DIP2C: variants seen among roughly 807,000 people sequenced by gnomAD.
DIP2C encodes disco-interacting protein 2 homolog C.
DIP2C carries 33 observed loss-of-function variants against 192.4 expected under a neutral mutation model. That is an observed-to-expected ratio of 0.17 (90% CI 0.13 to 0.23). The LOEUF (loss-of-function observed/expected upper bound fraction) is 0.23, where lower values mean the gene tolerates loss of function less well. Ranked by LOEUF, DIP2C falls within the 10% of genes least tolerant of loss-of-function variation. The pLI is 1.00. For synonymous variants in DIP2C, 979 were observed against 864.1 expected (o/e 1.13, Z -2.33); for missense variants, 1,537 against 2,110.1 (o/e 0.73, Z 5.32).
At position 382,542 on chromosome 10, in the gene DIP2C, T is replaced by TTCACCC. The variant is rs367916470; in HGVS notation, c.1991+99_1991+104dup. 559 of 854,890 alleles carry TTCACCC rather than the reference T, an allele frequency of 6.5e-4. 2 individuals are homozygous for TTCACCC. In the African/African-American group the frequency reaches 8.3e-3, roughly 13 times the overall value. 53.0% of individuals were successfully genotyped at this position (854,890 alleles called of 1,614,324 possible). Reference sequence around the variant, plus strand: ...TCATCTTGAAAGGTTAGGTCCCGTTTTCACCCTCACCCTCAGCATCAACTG... The same window carrying TTCACCC: ...TCATCTTGAAAGGTTAGGTCCCGTTTTCACCCTCACCCTCACCCTCAGCATCAACTG... On this transcript the variant is annotated intron_variant, in intron 17 of 36. Coordinates refer to ENST00000280886, the MANE Select transcript of DIP2C (RefSeq NM_014974.3).
intron 1 of DIP2C, among the ~76,000 whole-genome samples, chr10:622,381 G>A (rs1588624366): frequency 1.1e-5 from 1 of 94,604 alleles, no homozygotes; most frequent in Non-Finnish European, 2.2e-5. Flanking sequence ...AGAAGAAGGG[G>A]GAGGGAGGGA....
chr10:626,372 G>A (rs533618567), intron 1 of DIP2C, among the ~76,000 whole-genome samples: 9 of 152,136 alleles, frequency 5.9e-5, no homozygotes, highest in East Asian at 1.9e-4. Flanking sequence ...TGGGAGGGGC[G>A]GCAGCATCCC....
chr10:592,581 T>C (rs1851464537), intron 1 of DIP2C, among the ~76,000 whole-genome samples: 1 of 152,172 alleles, frequency 6.6e-6, no homozygotes, highest in Non-Finnish European at 1.5e-5. Flanking sequence ...TACAGGTGTC[T>C]GCTTAGAAAG....
chr10:487,922 C>T (rs188984483), intron 1 of DIP2C, among the ~76,000 whole-genome samples: 2 of 152,288 alleles, frequency 1.3e-5, no homozygotes, highest in East Asian at 3.9e-4. Flanking sequence ...ACAATTTCTG[C>T]AGAAATGTTA....
At chr10:340,180 A>G (rs1958074462) in intron 29 of DIP2C, among the ~76,000 whole-genome samples, 1 of 148,394 alleles carries the variant, frequency 6.7e-6, no homozygotes, top group South Asian at 2.1e-4. Flanking sequence ...GACTGTCTCA[A>G]AAAAAAAAAA....
chr10:567,622 A>G (rs1849529869), intron 1 of DIP2C, among the ~76,000 whole-genome samples: 1 of 152,206 alleles, frequency 6.6e-6, no homozygotes, highest in African/African-American at 2.4e-5. Flanking sequence ...CGTGAGCACC[A>G]GTCAGCATGA....
intron 3 of DIP2C, among the ~76,000 whole-genome samples, chr10:468,858 T>G (rs957304206): frequency 1.3e-5 from 2 of 152,222 alleles, no homozygotes; most frequent in Non-Finnish European, 2.9e-5. Flanking sequence ...CCATTATATC[T>G]CAAATAAATG....
intron 4 of DIP2C, among the ~76,000 whole-genome samples, chr10:427,590 G>GGACA (rs56821901): frequency 0.98 from 148,818 of 152,206 alleles, 72,842 homozygotes; most frequent in Middle Eastern, 1. Flanking sequence ...CAAAAAATCT[G>GGACA]GACATTTTAC....
rs563011237 is a variant in DIP2C at position 369,998 on chromosome 10, G to A, written c.1992-365C>T. 3.1e-5 allele frequency: 31 copies of A among 985,258 alleles called. No individual in the cohort carries two copies. In the Admixed American group the frequency reaches 6.1e-4, roughly 20 times the overall value. 61.0% of individuals were successfully genotyped at this position (985,258 alleles called of 1,614,324 possible). A position where few individuals can be genotyped will look rare whatever the true frequency, so the allele number is the denominator to read the frequency against. On this transcript the variant is annotated intron_variant, in intron 17 of 36. Transcript: ENST00000280886. ...TCCTCCCGGCTCCTGCTCACTCCAC[G>A]GTCTGCTCTTCTAGTTTTGCAAATG...
At chr10:333,802 C>G (rs150574602) in intron 29 of DIP2C, among the ~76,000 whole-genome samples, 1 of 152,192 alleles carries the variant, frequency 6.6e-6, no homozygotes, top group Non-Finnish European at 1.5e-5. Flanking sequence ...TCAGAAAACA[C>G]GAGCTCTCCA....
At chr10:570,500 A>AC (rs1291124976) in intron 1 of DIP2C, among the ~76,000 whole-genome samples, 2 of 151,782 alleles carry the variant, frequency 1.3e-5, no homozygotes, top group Non-Finnish European at 2.9e-5. Flanking sequence ...CTCCTCCTTT[A>AC]CCAGTTTCCC....
chr10:629,979 A>G (rs1298487175), intron 1 of DIP2C: 1 of 152,220 alleles, frequency 6.6e-6, no homozygotes, highest in Non-Finnish European at 1.5e-5. Context: ...AGGGCGGCCT[A>G]TTCCCCACAG....
intron 32 of DIP2C, among the ~76,000 whole-genome samples, chr10:296,971 G>A (rs1382368514): frequency 6.6e-6 from 1 of 151,612 alleles, no homozygotes; most frequent in Non-Finnish European, 1.5e-5. Context: ...ATACCAACGT[G>A]GCACATGTAT....
rs761649026 is a variant in DIP2C, at chr10:616,041, C to T, written c.85+73453G>A. 5.3e-5 allele frequency among the ~76,000 whole-genome samples: 8 copies of T among 152,142 alleles called. No homozygotes were observed. In the South Asian group the frequency reaches 6.2e-4, roughly 12 times the overall value. On this transcript the variant is annotated intron_variant, in intron 1 of 36. Coordinates refer to ENST00000280886, the MANE Select transcript of DIP2C (RefSeq NM_014974.3). ...TCACCCTTTTGTTTTATCCTGAAGACGCTGAGAAAGGCTGGGGCAGATCTC... is the reference window on the plus strand; with the variant it reads ...TCACCCTTTTGTTTTATCCTGAAGATGCTGAGAAAGGCTGGGGCAGATCTC...
In DIP2C at chr10:614,120, G is replaced by A. The variant is rs146689200; in HGVS notation, c.85+75374C>T. Among the ~76,000 whole-genome samples the A allele has an allele frequency of 2.5e-3, 379 of 152,330 alleles. 1 individual carries two copies. Among genetic ancestry groups the A allele is most frequent in the Middle Eastern group, 0.01 (3 of 294 alleles). Reference sequence around the variant, plus strand: ...CATCTGGATTCAAGCTGACAACGCTGCATTCTCTTTGCCATGCACACATGG... The same window carrying A: ...CATCTGGATTCAAGCTGACAACGCTACATTCTCTTTGCCATGCACACATGG... On this transcript the variant is annotated intron_variant, in intron 1 of 36. Transcript: ENST00000280886.
intron 1 of DIP2C, among the ~76,000 whole-genome samples, chr10:558,588 G>A (rs1374623155): frequency 2.0e-5 from 3 of 152,184 alleles, no homozygotes; most frequent in Non-Finnish European, 4.4e-5. Flanking sequence ...CAGTGCGGGG[G>A]CCCACCATCG....
In DIP2C at chr10:380,395, ATG is replaced by A. The variant is rs879480271; in HGVS notation, c.1991+2250_1991+2251del. Among the ~76,000 whole-genome samples the A allele has an allele frequency of 5.0e-3, 756 of 151,112 alleles. 6 individuals carry two copies. Among genetic ancestry groups the A allele is most frequent in the Non-Finnish European group, 6.8e-3 (460 of 67,514 alleles). ...AGAGGCTGTCCCTGGATGATGGTTA[ATG>A]CGCAGAAGAGGCTGTCCCTGGATGA... On this transcript the variant is annotated intron_variant, in intron 17 of 36. Coordinates refer to ENST00000280886, the MANE Select transcript of DIP2C (RefSeq NM_014974.3).
Position 475,756 on chromosome 10 carries a change from T to C in DIP2C, c.158-3207A>G, listed in dbSNP as rs572434507. Among the ~76,000 whole-genome samples, 63 of 152,334 alleles carry C rather than the reference T, an allele frequency of 4.1e-4. No individual in the cohort carries two copies. The South Asian group carries it at 5.6e-3, about 14-fold the overall frequency. ...CTTCATTCATTTTCCTTTGATGTCA[T>C]TCCAAACGAGGCTGCAAGTGGCTTA... is the stretch of plus-strand genomic sequence containing the variant. On this transcript the variant is annotated intron_variant, in intron 2 of 36. Coordinates refer to ENST00000280886, the MANE Select transcript of DIP2C (RefSeq NM_014974.3).
chr10:469,180 G>A (rs930945961), intron 3 of DIP2C, among the ~76,000 whole-genome samples: 1 of 152,160 alleles, frequency 6.6e-6, no homozygotes, highest in Non-Finnish European at 1.5e-5. Flanking sequence ...CAGAATCGGA[G>A]ACTATCCTCT....
Sources: allele counts gnomAD v4.1 joint callset (sites outside exome capture counted in the v4.1 genomes callset), GRCh38; gene constraint gnomAD v4.1.1; transcripts MANE v1.5; gene names NCBI Gene and HGNC (gene_info 2026-07-23, HGNC 2026-07-21).